The following SNRK variants were observed in gnomAD, a reference collection of about 807,000 sequenced individuals.
The protein encoded by SNRK is SNF-related serine/threonine-protein kinase.
In SNRK, 3 loss-of-function variants were observed where a neutral mutation model predicts 48.2. That is an observed-to-expected ratio of 0.06 (90% CI 0.03 to 0.16). The LOEUF (loss-of-function observed/expected upper bound fraction) is 0.16. Ranked by LOEUF, SNRK falls within the 10% of genes least tolerant of loss-of-function variation. The pLI is 1.00. For synonymous variants in SNRK, 376 were observed against 366.1 expected (o/e 1.03, Z -0.31); for missense variants, 627 against 976.0 (o/e 0.64, Z 4.76).
At chr3:43,308,501 G>A (rs186082091) in intron 3 of SNRK, among the ~76,000 whole-genome samples, 117 of 152,246 alleles carry the variant, frequency 7.7e-4, no homozygotes, top group African/African-American at 2.7e-3. Flanking sequence ...GAAAATCCTA[G>A]GGCCATTAAG....
Position 43,302,451 on chromosome 3 carries a change from A to G in SNRK, c.-106-647A>G, listed in dbSNP as rs1173986946. Among the ~76,000 whole-genome samples the G allele has an allele frequency of 6.0e-5, 9 of 149,642 alleles. No homozygotes were observed. The South Asian group carries it at 1.7e-3, about 28-fold the overall frequency. On this transcript the variant is annotated intron_variant, in intron 2 of 6. Coordinates refer to ENST00000296088, the MANE Select transcript of SNRK (RefSeq NM_017719.5). ...TCTAGGTGTTGGGGGAAAGTAGAAG[A>G]AAAAAAAATAGAACCTTAGAATAGA...
chr3:43,300,294 G>A (rs2090889122), intron 2 of SNRK, among the ~76,000 whole-genome samples: 2 of 151,890 alleles, frequency 1.3e-5, no homozygotes, highest in Non-Finnish European at 2.9e-5. Context: ...GGGTTTAATA[G>A]TACTTATCTC....
chr3:43,295,418 G>T (rs1008617017), intron 1 of SNRK, among the ~76,000 whole-genome samples: 2 of 152,184 alleles, frequency 1.3e-5, no homozygotes, highest in Admixed American at 6.5e-5. Flanking sequence ...TGATGAAAAC[G>T]AAGAACATAC....
rs765798650 is a variant in SNRK, at chr3:43,347,576, G to C, written c.1317G>C (p.Arg439=). 6.2e-7 allele frequency: 1 copy of C among 1,614,054 alleles called. No homozygotes were observed. The highest frequency in any genetic ancestry group is 1.3e-5 in the African/African-American group (1 of 75,022). The change falls in exon 7 of 7, where the codon CGG becomes CGC. Residue 439 remains arginine (R), a synonymous_variant. Transcript: ENST00000296088. The surrounding 1 kb of genome is among the most constrained non-coding windows in gnomAD (Gnocchi z 5.4). The part of the protein sequence containing the change: ...PASLKPTASG[R]KCLFRVEEDE... ...GCTTAAAACCCACAGCCAGTGGGCG[G>C]AAGTGTCTGTTCAGGGTGGAAGAAG...
intron 3 of SNRK, among the ~76,000 whole-genome samples, chr3:43,321,244 C>T (rs1462869657): frequency 6.6e-6 from 1 of 152,132 alleles, no homozygotes; most frequent in African/African-American, 2.4e-5. Flanking sequence ...TTGACTCTTC[C>T]AGCTGTTGTC....
At chr3:43,305,624 C>T (rs9857781) in intron 3 of SNRK, among the ~76,000 whole-genome samples, 115,325 of 151,542 alleles carry the variant, frequency 0.76, 49,029 homozygotes, top group Non-Finnish European at 0.94. Context: ...CTGGGACTAC[C>T]GGCCCCCTGC....
chr3:43,335,618 G>A (rs2091181852), intron 4 of SNRK, among the ~76,000 whole-genome samples: 1 of 152,130 alleles, frequency 6.6e-6, no homozygotes, highest in Admixed American at 6.5e-5. Flanking sequence ...TTTGCATCCT[G>A]TATGAGTTTT....
intron 5 of SNRK, among the ~76,000 whole-genome samples, chr3:43,341,683 C>G (rs548093375): frequency 6.6e-6 from 1 of 152,278 alleles, no homozygotes; most frequent in African/African-American, 2.4e-5. Flanking sequence ...CAGGAGGGCC[C>G]TTTCAGGATT....
chr3:43,334,946 C>T (rs376678489), intron 4 of SNRK, among the ~76,000 whole-genome samples: 8 of 149,780 alleles, frequency 5.3e-5, no homozygotes, highest in East Asian at 4.0e-4. Flanking sequence ...GATATATTGT[C>T]CTTTTTAATT....
chr3:43,312,597 A>G (rs1316072139), intron 3 of SNRK, among the ~76,000 whole-genome samples: 2 of 152,182 alleles, frequency 1.3e-5, no homozygotes, highest in South Asian at 2.1e-4. Context: ...GGATATACAT[A>G]TATCACTTTT....
At chr3:43,339,816 AAAATATATATAT>A (rs2091219084) in intron 4 of SNRK, among the ~76,000 whole-genome samples, 1 of 78,342 alleles carries the variant, frequency 1.3e-5, no homozygotes, top group South Asian at 4.5e-4. Context: ...CTCCATTTCC[AAAATATATATAT>A]ATATATATAT....
Position 43,349,980 on chromosome 3 carries a change from G to A in SNRK, c.*1423G>A, listed in dbSNP as rs1173631253. ...GACGGACTGAGACGCATCTGGTCCTGTAATTCAGAGAGTGGGCACATCACC... is the reference window on the plus strand; with the variant it reads ...GACGGACTGAGACGCATCTGGTCCTATAATTCAGAGAGTGGGCACATCACC... On this transcript the variant is annotated 3_prime_UTR_variant, in exon 7 of 7. Coordinates refer to ENST00000296088, the MANE Select transcript of SNRK (RefSeq NM_017719.5). 3 of 152,188 alleles carry A rather than the reference G, an allele frequency of 2.0e-5. No individual in the cohort carries two copies. The highest frequency in any genetic ancestry group is 7.2e-5 in the African/African-American group (3 of 41,434). The allele number at this position is 152,188 out of a possible 1,614,324, so 9.4% of individuals were successfully genotyped here.
chr3:43,294,656 C>T (rs1202180595), intron 1 of SNRK, among the ~76,000 whole-genome samples: 1 of 151,656 alleles, frequency 6.6e-6, no homozygotes, highest in Non-Finnish European at 1.5e-5. Context: ...AAGAGAATTC[C>T]TGGAATGAGC....
chr3:43,322,409 A>G (rs1187596110), intron 3 of SNRK, among the ~76,000 whole-genome samples: 1 of 152,242 alleles, frequency 6.6e-6, no homozygotes, highest in African/African-American at 2.4e-5. Context: ...CAGTTCGTGG[A>G]TGTAGTACAC....
At chr3:43,288,918 T>G (rs2125609640) in intron 1 of SNRK, among the ~76,000 whole-genome samples, 1 of 152,298 alleles carries the variant, frequency 6.6e-6, no homozygotes, top group East Asian at 1.9e-4. Context: ...TAGAACAACT[T>G]AGGTGGAAAA....
intron 3 of SNRK, among the ~76,000 whole-genome samples, chr3:43,308,528 C>G (rs1419615994): frequency 6.6e-6 from 1 of 152,214 alleles, no homozygotes; most frequent in Non-Finnish European, 1.5e-5. Flanking sequence ...GCCAAATATA[C>G]TCTACCTGTG....
At chr3:43,297,867 A>G (rs2090868479) in intron 1 of SNRK, among the ~76,000 whole-genome samples, 1 of 152,044 alleles carries the variant, frequency 6.6e-6, no homozygotes, top group African/African-American at 2.4e-5. Context: ...ACCTTACAGC[A>G]CTCATTTTCA....
At chr3:43,301,760 G>A (rs994928890) in intron 2 of SNRK, among the ~76,000 whole-genome samples, 2 of 152,146 alleles carry the variant, frequency 1.3e-5, no homozygotes, top group African/African-American at 4.8e-5. Context: ...AGTAGAAAAA[G>A]CTTCGTCAAA....
chr3:43,291,621 T>C (rs1376935408), intron 1 of SNRK, among the ~76,000 whole-genome samples: 1 of 152,190 alleles, frequency 6.6e-6, no homozygotes, highest in East Asian at 1.9e-4. Context: ...ACAATAACTG[T>C]CCAAGGTGGT....
Sources: allele counts gnomAD v4.1 joint callset (sites outside exome capture counted in the v4.1 genomes callset), GRCh38; gene constraint gnomAD v4.1.1; non-coding constraint Gnocchi (gnomAD v3.1); transcripts MANE v1.5; gene names NCBI Gene and HGNC (gene_info 2026-07-23, HGNC 2026-07-21).